Variants in TBC1D9 observed in about 807,000 individuals in gnomAD.
TBC1D9 encodes the protein TBC1 domain family member 9A.
In TBC1D9, 63 loss-of-function variants were observed where a neutral mutation model predicts 132.0. The observed-to-expected ratio is 0.48, with a 90% CI of 0.39 to 0.59. TBC1D9 has a LOEUF of 0.59. Ranked by LOEUF, TBC1D9 falls within the 20% of genes least tolerant of loss-of-function variation. TBC1D9 has a pLI of 0.00. For missense variants in TBC1D9, 1,261 were observed against 1,592.7 expected (o/e 0.79, Z 3.54); for synonymous variants, 610 against 609.9 (o/e 1.00, Z 0.00).
intron 16 of TBC1D9, among the ~76,000 whole-genome samples, chr4:140,631,098 A>G (rs978908594): frequency 1.3e-5 from 2 of 152,224 alleles, no homozygotes; most frequent in Non-Finnish European, 2.9e-5. Context: ...TTCCATTGGT[A>G]ATGAATTATT....
rs139885350 is a variant in TBC1D9 at position 140,705,512 on chromosome 4, A to ATGTG, written c.131-3902_131-3899dup. On this transcript the variant is annotated intron_variant, in intron 1 of 20. Transcript: ENST00000442267. ...AAATGGACAAGTGAGGGGTGTGTGC[A>ATGTG]TGTGTGTGTGTGTGTGTGTGTGTGT... Among the ~76,000 whole-genome samples, 638 of 142,174 alleles carry ATGTG rather than the reference A, an allele frequency of 4.5e-3. 3 individuals are homozygous for ATGTG. The highest frequency in any genetic ancestry group is 0.015 in the African/African-American group (575 of 39,448). 93.3% of individuals were successfully genotyped at this position (142,174 alleles called of 152,430 possible).
intron 2 of TBC1D9, among the ~76,000 whole-genome samples, chr4:140,687,313 A>T (rs901279152): frequency 1.4e-5 from 1 of 73,820 alleles, no homozygotes; most frequent in Non-Finnish European, 3.1e-5. Context: ...TGTGTGCCAT[A>T]TATATATATG....
At chr4:140,671,028 T>G in intron 6 of TBC1D9, 102 bp from the exon 7 acceptor site, 1 of 944,736 alleles carries the variant, frequency 1.1e-6, no homozygotes, top group Non-Finnish European at 1.6e-6. Flanking sequence ...CATTATTCTA[T>G]AGGAACCACC....
At chr4:140,689,290 GGA>G (rs1490077879) in intron 2 of TBC1D9, among the ~76,000 whole-genome samples, 15 of 152,014 alleles carry the variant, frequency 9.9e-5, no homozygotes, top group African/African-American at 3.4e-4. Context: ...AGAATCCCAT[GGA>G]ATCCAACACT....
intron 9 of TBC1D9, among the ~76,000 whole-genome samples, chr4:140,667,019 A>C (rs1295589373): frequency 2.6e-5 from 4 of 152,190 alleles, no homozygotes; most frequent in Admixed American, 2.6e-4. Flanking sequence ...TGGGAGACGT[A>C]CTGTGATTTC....
rs767796034 is a variant in TBC1D9 at position 140,686,315 on chromosome 4, A to G, written c.360+29T>C. The stretch of plus-strand genomic sequence containing the variant: ...TTCTGTAAATTTGAAATTATTTCCA[A>G]TTAAAATGTTTTTCTTTTATCCCAC... On this transcript the variant is annotated intron_variant, in intron 3 of 20. Coordinates refer to ENST00000442267, the MANE Select transcript of TBC1D9 (RefSeq NM_015130.3). The G allele has an allele frequency of 1.4e-5, 18 of 1,264,050 alleles. No homozygotes were observed. The Admixed American group carries it at 2.2e-4, about 15-fold the overall frequency. 78.3% of individuals were successfully genotyped at this position (1,264,050 alleles called of 1,614,324 possible).
intron 2 of TBC1D9, among the ~76,000 whole-genome samples, chr4:140,688,741 G>A (rs1391752698): frequency 6.6e-6 from 1 of 151,956 alleles, no homozygotes; most frequent in East Asian, 1.9e-4. Context: ...AAATCACAAG[G>A]GCTAATGTCT....
intron 1 of TBC1D9, among the ~76,000 whole-genome samples, chr4:140,742,481 G>T (rs1035160325): frequency 7.1e-6 from 1 of 140,754 alleles, no homozygotes; most frequent in East Asian, 2.1e-4. Context: ...GCAGTGAGCC[G>T]AGATTGCACC....
chr4:140,686,128 A>C (rs940991699), intron 3 of TBC1D9, among the ~76,000 whole-genome samples: 5 of 152,182 alleles, frequency 3.3e-5, no homozygotes, highest in Non-Finnish European at 5.9e-5. Flanking sequence ...TATCAATAAA[A>C]GAAAAAAAAG....
intron 3 of TBC1D9, among the ~76,000 whole-genome samples, chr4:140,684,743 T>C (rs972072636): frequency 1.3e-5 from 2 of 151,140 alleles, no homozygotes; most frequent in African/African-American, 2.4e-5. Context: ...GGCAGGAGAA[T>C]TGCTTGAACC....
rs185712722 is a variant in TBC1D9, at chr4:140,682,203, T to C, written c.361-2360A>G. Among the ~76,000 whole-genome samples, 657 of 152,326 alleles carry C rather than the reference T, an allele frequency of 4.3e-3. 3 individuals are homozygous for C. Among genetic ancestry groups the C allele is most frequent in the African/African-American group, 0.015 (615 of 41,580 alleles). On this transcript the variant is annotated intron_variant, in intron 3 of 20. Coordinates refer to ENST00000442267, the MANE Select transcript of TBC1D9 (RefSeq NM_015130.3). Reference sequence around the variant, plus strand: ...TTAGGTACCAAGTTGCTAACTTCTGTTCCTCTGTCATACTGGAGGGCATTA... The same window carrying C: ...TTAGGTACCAAGTTGCTAACTTCTGCTCCTCTGTCATACTGGAGGGCATTA...
chr4:140,744,498 T>C (rs1473231571), intron 1 of TBC1D9, among the ~76,000 whole-genome samples: 1 of 152,114 alleles, frequency 6.6e-6, no homozygotes, highest in Non-Finnish European at 1.5e-5. Context: ...CTAAAGAGAT[T>C]AGCTAGGTGT....
chr4:140,716,975 T>A (rs927777687), intron 1 of TBC1D9, among the ~76,000 whole-genome samples: 4 of 150,940 alleles, frequency 2.7e-5, no homozygotes, highest in African/African-American at 9.7e-5. Flanking sequence ...ACTCCAGGTT[T>A]GGTCTCAACC....
At chr4:140,720,322 T>C (rs896717176) in intron 1 of TBC1D9, among the ~76,000 whole-genome samples, 1 of 152,178 alleles carries the variant, frequency 6.6e-6, no homozygotes, top group South Asian at 2.1e-4. Context: ...TGTTGTTGTA[T>C]AAAAACCACT....
chr4:140,743,859 T>C (rs1182744589), intron 1 of TBC1D9, among the ~76,000 whole-genome samples: 1 of 152,228 alleles, frequency 6.6e-6, no homozygotes, highest in Non-Finnish European at 1.5e-5. Flanking sequence ...GGATATGCAG[T>C]GTCCCTAGAG....
At chr4:140,713,742 A>G (rs1738285423) in intron 1 of TBC1D9, among the ~76,000 whole-genome samples, 1 of 64,686 alleles carries the variant, frequency 1.5e-5, no homozygotes, top group South Asian at 7.6e-4. Flanking sequence ...TATCTCTGAA[A>G]AAGAATTAAA....
chr4:140,746,151 A>T (rs1289526737), intron 1 of TBC1D9, among the ~76,000 whole-genome samples: 1 of 152,218 alleles, frequency 6.6e-6, no homozygotes, highest in Non-Finnish European at 1.5e-5. Context: ...TCTCAAGGTT[A>T]ATAATGTGAC....
intron 13 of TBC1D9, chr4:140,645,180 T>C: frequency 1.8e-6 from 1 of 549,672 alleles, no homozygotes. Context: ...GAGCAGCTTC[T>C]CCTGATCTCA....
rs1303755545 is a variant in TBC1D9 at position 140,622,237 on chromosome 4, G to C, written c.3759C>G (p.Leu1253=). Residue 1253 remains leucine, a synonymous_variant, in exon 21 of 21, where the codon CTC becomes CTG. Transcript: ENST00000442267. ...AGATTTCATAGTCACTGGCCGAGGT[G>C]AGGGGCTTGCCCATCATCCGGATGT... ...AKNIRMMGKP[L]TSASDYEISA... 6.3e-7 allele frequency: 1 copy of C among 1,596,398 alleles called. No individual in the cohort carries two copies. The highest frequency in any genetic ancestry group is 2.3e-5 in the East Asian group (1 of 44,310).
Sources: allele counts gnomAD v4.1 joint callset (sites outside exome capture counted in the v4.1 genomes callset), GRCh38; gene constraint gnomAD v4.1.1; transcripts MANE v1.5; gene names NCBI Gene and HGNC (gene_info 2026-07-23, HGNC 2026-07-21).